TTN: variants seen among roughly 807,000 people sequenced by gnomAD.
TTN encodes the protein titin, also known as connectin.
Under a neutral mutation model 3,223.0 loss-of-function variants are expected in TTN, and 1,525 were observed. That is an observed-to-expected ratio of 0.47 (90% CI 0.45 to 0.49). The LOEUF is 0.49. TTN is among the 20% of genes least tolerant of loss of function. TTN has a pLI of 0.00. For synonymous variants in TTN, 14,094 were observed against 15,161.0 expected, an observed-to-expected ratio of 0.93 and a Z score of 5.17; for missense variants, 40,786 against 43,424.0, an observed-to-expected ratio of 0.94 and a Z score of 5.40.
intron 121 of TTN, 42 bp from the exon 122 acceptor site, chr2:178,689,938 A>C: frequency 1.3e-6 from 2 of 1,535,426 alleles, no homozygotes; most frequent in Non-Finnish European, 1.8e-6. Flanking sequence ...GACATATATC[A>C]CTTTTATGAA....
At chr2:178,754,056 T>C (rs901118145) in intron 46 of TTN, 1 of 152,062 alleles carries the variant, frequency 6.6e-6, no homozygotes, top group Non-Finnish European at 1.5e-5. Context: ...GCTGTGTTTG[T>C]AAGAATGAAA....
At position 178,569,750 on chromosome 2, in the gene TTN, A is replaced by C; in HGVS notation, c.76382T>G (p.Ile25461Ser). Residue 25461 changes from isoleucine (I) to serine (S), a missense_variant, in exon 326 of 363, where the codon ATT becomes AGT. By Grantham distance (142) the Ile-to-Ser change is moderately radical. Coordinates refer to ENST00000589042, the MANE Select transcript of TTN (RefSeq NM_001267550.2). The stretch of plus-strand genomic sequence containing the variant: ...CTCTACTTCTATGTTTGTTTTATTA[A>C]TTCCTGTTGGTGGAGTGCACATTGT... ...EWTMCTPPTG[I>S]NKTNIEVEKL... is the part of the protein sequence containing the mutation. 6.2e-7 allele frequency: 1 copy of C among 1,613,202 alleles called. No homozygotes were observed. The highest frequency in any genetic ancestry group is 8.5e-7 in the Non-Finnish European group (1 of 1,179,600).
At chr2:178,779,697 T>C (rs1401137734) in intron 22 of TTN, 1 of 535,464 alleles carries the variant, frequency 1.9e-6, no homozygotes, top group Non-Finnish European at 3.3e-6. Context: ...GAGGTTACAT[T>C]AGCTTATCAC....
chr2:178,647,832 T>C (rs1046758651), intron 213 of TTN, among the ~76,000 whole-genome samples: 4 of 152,154 alleles, frequency 2.6e-5, no homozygotes, highest in African/African-American at 7.2e-5. Context: ...CACTCCCAAC[T>C]TTTATGCTTT....
rs1466717136 is a variant in TTN, at chr2:178,568,437, T to C, written c.77695A>G (p.Lys25899Glu). ...CTTTCAGCACTGACGTCATCAAATT[T>C]AACAGGTCCTTTTGGAGGATCAGGT... is the stretch of plus-strand genomic sequence containing the variant. ...DKPDPPKGPVKFDDVSAESIT... is the reference protein window; with the variant it reads ...DKPDPPKGPVEFDDVSAESIT... Residue 25899 changes from lysine (K) to glutamate (E), a missense_variant, in exon 326 of 363, where the codon AAA becomes GAA. Coordinates refer to ENST00000589042, the MANE Select transcript of TTN (RefSeq NM_001267550.2). 1.9e-6 allele frequency: 3 copies of C among 1,613,194 alleles called. No homozygotes were observed. Among genetic ancestry groups the C allele is most frequent in the African/African-American group, 1.3e-5 (1 of 74,890 alleles).
At chr2:178,624,769 C>G (rs2058778099) in intron 241 of TTN, 38 bp from the exon 242 acceptor site, 1 of 1,603,242 alleles carries the variant, frequency 6.2e-7, no homozygotes, top group Admixed American at 1.7e-5. Flanking sequence ...GTACTCCTTT[C>G]CTTCTCCAAG....
chr2:178,757,426 T>C (rs2087622515), intron 45 of TTN, 116 bp downstream of exon 45: 7 of 1,257,846 alleles, frequency 5.6e-6, no homozygotes, highest in East Asian at 2.6e-5. Flanking sequence ...ATTTTATTAG[T>C]AAGTTATGGA....
Position 178,741,015 on chromosome 2 carries a change from G to C in TTN, c.12218C>G (p.Thr4073Arg). The C allele has an allele frequency of 6.2e-7, 1 of 1,613,820 alleles. No homozygotes were observed. Residue 4073 changes from threonine to arginine, a missense_variant, in exon 48 of 363, where the codon ACG becomes AGG. Coordinates refer to ENST00000589042, the MANE Select transcript of TTN (RefSeq NM_001267550.2). ...EALDSEQEIA[T>R]FVKDTILKAA... ...TTTCAAAATGGTGTCTTTTACAAAC[G>C]TTGCAATTTCCTGCTCTGAGTCAAG...
chr2:178,597,798 T>A lies in TTN; in HGVS notation c.57284A>T (p.Asp19095Val). The change falls in exon 294 of 363, where the codon GAT becomes GTT. Residue 19095 changes from aspartate to valine, a missense_variant. Coordinates refer to ENST00000589042, the MANE Select transcript of TTN (RefSeq NM_001267550.2). ...AACAATTCTATCTCTGACACTGGCATCTAGCTGAAGGTCAGGTGAAACTGG... is the reference window on the plus strand; with the variant it reads ...AACAATTCTATCTCTGACACTGGCAACTAGCTGAAGGTCAGGTGAAACTGG... ...DRLVSPDLQL[D>V]ASVRDRIVVH... 1 of 1,613,188 alleles carries A rather than the reference T, an allele frequency of 6.2e-7. No homozygotes were observed. Among genetic ancestry groups the A allele is most frequent in the Non-Finnish European group, 8.5e-7 (1 of 1,179,536 alleles).
chr2:178,565,090 A>G lies in TTN; in HGVS notation c.81042T>C (p.Asp27014=), dbSNP rs1468937743. The change falls in exon 326 of 363, where the codon GAT becomes GAC. Residue 27014 remains aspartate, a synonymous_variant. Coordinates refer to ENST00000589042, the MANE Select transcript of TTN (RefSeq NM_001267550.2). The stretch of plus-strand genomic sequence containing the variant: ...CCATGTGCCAAGTGGTGGTGGTTGT[A>G]TCTCGCTTCTCTACAATGTAGTTGC... The part of the protein sequence containing the change: ...QISNYIVEKR[D]TTTTTWHMVS... The G allele has an allele frequency of 6.2e-7, 1 of 1,613,586 alleles. No homozygotes were observed. Among genetic ancestry groups the G allele is most frequent in the East Asian group, 2.2e-5 (1 of 44,836 alleles).
intron 189 of TTN, among the ~76,000 whole-genome samples, chr2:178,655,239 C>A (rs1386369080): frequency 7.2e-6 from 1 of 139,484 alleles, no homozygotes; most frequent in Non-Finnish European, 1.5e-5. Context: ...AACAGCCCTT[C>A]ATGCTAAAGA....
chr2:178,694,040 T>G (rs1295210236), intron 117 of TTN, 32 bp from the exon 118 acceptor site: 1 of 1,449,610 alleles, frequency 6.9e-7, no homozygotes, highest in Non-Finnish European at 9.5e-7. Context: ...TTAGTATTCC[T>G]TTTTTTTAGT....
At chr2:178,726,985 G>C in intron 69 of TTN, 105 bp downstream of exon 69, 1 of 1,165,588 alleles carries the variant, frequency 8.6e-7, no homozygotes. Context: ...AATATTCTAT[G>C]ATCTCAAATG....
Position 178,590,882 on chromosome 2 carries a change from A to G in TTN, c.60843T>C (p.Thr20281=), listed in dbSNP as rs770845046. 1 of 1,611,206 alleles carries G rather than the reference A, an allele frequency of 6.2e-7. No individual in the cohort carries two copies. Among genetic ancestry groups the G allele is most frequent in the South Asian group, 1.1e-5 (1 of 91,014 alleles). The change falls in exon 304 of 363, where the codon ACT becomes ACC. Residue 20281 remains threonine (T), a synonymous_variant. Transcript: ENST00000589042. ...PPSPPGKPVV[T]DITENAATVS... ...CTGTTGCTGCATTTTCAGTAATGTC[A>G]GTAACCACTGGTTTACCAGGAGGAG...
chr2:178,776,591 C>G lies in TTN; in HGVS notation c.5273G>C (p.Gly1758Ala). 1.9e-6 allele frequency: 3 copies of G among 1,613,962 alleles called. No individual in the cohort carries two copies. The South Asian group carries it at 3.3e-5, about 18-fold the overall frequency. Residue 1758 changes from glycine (G) to alanine (A), a missense_variant, in exon 28 of 363, where the codon GGG (glycine) becomes GCG (alanine). Gly to Ala is a moderately conservative substitution (Grantham distance 60). Transcript: ENST00000589042. ...ANRLRMINEFGYCSLDYGVAY... is the reference protein window; with the variant it reads ...ANRLRMINEFAYCSLDYGVAY... ...AACGCCATAATCAAGGCTGCAGTAC[C>G]CAAATTCATTGATCATACGGAGCCT...
intron 259 of TTN, among the ~76,000 whole-genome samples, 163 bp from the exon 260 acceptor site, chr2:178,615,131 CT>C (rs2057092902): frequency 6.6e-6 from 1 of 151,912 alleles, no homozygotes; most frequent in African/African-American, 2.4e-5. Flanking sequence ...CATTTCAATA[CT>C]GTCATGAAAA....
chr2:178,663,344 C>G lies in TTN; in HGVS notation c.36622G>C (p.Glu12208Gln). ...TCTGGGACAGCTGCCTTTGGCACCT[C>G]TGGGACTTTAAAGATATTAGTATTT... ...KPEVPPTKVP[E>Q]VPKAAVPEKK... is the part of the protein sequence containing the mutation. Residue 12208 changes from glutamate (E) to glutamine (Q), a missense_variant, in exon 173 of 363, where the codon GAG becomes CAG. Transcript: ENST00000589042. 1.3e-6 allele frequency: 2 copies of G among 1,591,502 alleles called. No individual in the cohort carries two copies. Among genetic ancestry groups the G allele is most frequent in the South Asian group, 2.3e-5 (2 of 86,684 alleles).
At chr2:178,599,523 A>G in intron 289 of TTN, 31 bp downstream of exon 289, 8 of 1,522,286 alleles carry the variant, frequency 5.3e-6, no homozygotes, top group African/African-American at 1.4e-5. Context: ...CAGAAAAACA[A>G]GTAATTTTAA....
At chr2:178,678,582 A>G (rs2068627755) in intron 143 of TTN, 85 bp from the exon 144 acceptor site, 1 of 1,243,156 alleles carries the variant, frequency 8.0e-7, no homozygotes, top group Admixed American at 3.0e-5. Context: ...AAGATAAGGT[A>G]ATAAAAGTAT....
Sources: gnomAD v4.1 joint callset for allele counts (sites outside exome capture counted in the v4.1 genomes callset) on GRCh38, gnomAD v4.1.1 for gene constraint, MANE v1.5 for transcripts, NCBI Gene and HGNC (gene_info 2026-07-23, HGNC 2026-07-21) for gene names.